FBXW8: variants seen among roughly 807,000 people sequenced by gnomAD.
FBXW8 encodes F-box/WD repeat-containing protein 8.
A neutral mutation model predicts 65.3 loss-of-function variants in FBXW8; 57 were observed. That is an observed-to-expected ratio of 0.87 (90% CI 0.71 to 1.09). The LOEUF is 1.09. FBXW8 is among the 50% of genes least tolerant of loss of function. The probability of loss-of-function intolerance (pLI) is 0.00; values close to 1 mark genes in which losing one functional copy is unlikely to be tolerated. For missense variants in FBXW8, 777 were observed against 814.8 expected (o/e 0.95, Z 0.57); for synonymous variants, 308 against 330.2 (o/e 0.93, Z 0.73).
At chr12:117,007,090 T>C (rs545335385) in intron 7 of FBXW8, among the ~76,000 whole-genome samples, 1 of 152,364 alleles carries the variant, frequency 6.6e-6, no homozygotes, top group Non-Finnish European at 1.5e-5. Flanking sequence ...TACAGAGGGC[T>C]ACCACTTCCT....
chr12:117,017,745 A>G (rs1234300820), intron 8 of FBXW8, among the ~76,000 whole-genome samples: 1 of 152,202 alleles, frequency 6.6e-6, no homozygotes, highest in Non-Finnish European at 1.5e-5. Flanking sequence ...ATATTAGCAG[A>G]AGGTCAGGTC....
At chr12:116,989,924 G>A (rs1162420672) in intron 7 of FBXW8, among the ~76,000 whole-genome samples, 3 of 152,232 alleles carry the variant, frequency 2.0e-5, no homozygotes, top group African/African-American at 7.2e-5. Flanking sequence ...CATATGTAAA[G>A]CTTGAGGCAT....
At chr12:116,924,954 ATCC>A (rs1188680480) in intron 1 of FBXW8, among the ~76,000 whole-genome samples, 2 of 152,154 alleles carry the variant, frequency 1.3e-5, no homozygotes, top group Non-Finnish European at 2.9e-5. Context: ...GCATTCTAGT[ATCC>A]TCCTCAAGTA....
rs71099022 is a variant in FBXW8 at position 116,942,770 on chromosome 12, ATTTTTTTTTTTTTTTT to A, written c.424-2584_424-2569del. Among the ~76,000 whole-genome samples, 54 of 64,370 alleles carry A rather than the reference ATTTTTTTTTTTTTTTT, an allele frequency of 8.4e-4. 2 individuals are homozygous for A. Among genetic ancestry groups the A allele is most frequent in the Middle Eastern group, 0.017 (1 of 60 alleles). The allele number at this position is 64,370 out of a possible 152,430, so 42.2% of individuals were successfully genotyped here. ...TGTACTTTTTAACTCCAGAGCTTCT[ATTTTTTTTTTTTTTTT>A]TTTTTTTTTGAGACGGGGTCTCACT... On this transcript the variant is annotated intron_variant, in intron 2 of 10. Coordinates refer to ENST00000652555, the MANE Select transcript of FBXW8 (RefSeq NM_153348.3).
At chr12:116,956,411 A>G (rs1883652853) in intron 4 of FBXW8, among the ~76,000 whole-genome samples, 2 of 152,184 alleles carry the variant, frequency 1.3e-5, no homozygotes, top group Admixed American at 1.3e-4. Flanking sequence ...ATACCTCTCT[A>G]GCAACCAAGT....
intron 3 of FBXW8, among the ~76,000 whole-genome samples, chr12:116,947,750 A>AAAAAAAAAG (rs1555218999): frequency 3.6e-5 from 5 of 137,658 alleles, no homozygotes; most frequent in Non-Finnish European, 4.6e-5. Context: ...AAAAAAAAAA[A>AAAAAAAAAG]AAAAGAAAAG....
At chr12:116,965,925 A>ATT (rs10630126) in intron 5 of FBXW8, among the ~76,000 whole-genome samples, 93,947 of 137,236 alleles carry the variant, frequency 0.68, 35,573 homozygotes, top group Non-Finnish European at 0.83. Flanking sequence ...TGCCCAGCTA[A>ATT]TTTTTTTTTT....
Position 116,911,050 on chromosome 12 carries a change from A to T in FBXW8, c.13A>T (p.Ser5Cys). The T allele has an allele frequency of 5.5e-6, 8 of 1,449,056 alleles. No individual in the cohort carries two copies. Among genetic ancestry groups the T allele is most frequent in the Non-Finnish European group, 7.2e-6 (8 of 1,109,032 alleles). 89.8% of individuals were successfully genotyped at this position (1,449,056 alleles called of 1,614,324 possible). Residue 5 changes from serine (S) to cysteine (C), a missense_variant, in exon 1 of 11, where the codon AGC (serine) becomes TGC (cysteine). By Grantham distance (112) the Ser-to-Cys change is moderately radical. Transcript: ENST00000652555. The stretch of plus-strand genomic sequence containing the variant: ...GGGAGCGGCGAATATGGACGACTAC[A>T]GCCTGGATGAGTTCCGTCGGCGCTG... MDDY[S>C]LDEFRRRWQE...
At chr12:116,979,945 C>A (rs1277501708) in intron 5 of FBXW8, among the ~76,000 whole-genome samples, 1 of 152,104 alleles carries the variant, frequency 6.6e-6, no homozygotes, top group African/African-American at 2.4e-5. Flanking sequence ...GCCCTGAGGT[C>A]CCTCCCCAGG....
intron 5 of FBXW8, among the ~76,000 whole-genome samples, chr12:116,967,332 A>T (rs1884390153): frequency 6.6e-6 from 1 of 152,076 alleles, no homozygotes; most frequent in South Asian, 2.1e-4. Context: ...CATTTTTGTT[A>T]TTGAAAACAG....
At chr12:117,016,058 C>T (rs989174667) in intron 8 of FBXW8, among the ~76,000 whole-genome samples, 1 of 152,204 alleles carries the variant, frequency 6.6e-6, no homozygotes, top group Non-Finnish European at 1.5e-5. Flanking sequence ...AGATATACTA[C>T]ATTTTCTTTA....
chr12:116,934,821 T>C (rs1042762400), intron 2 of FBXW8, among the ~76,000 whole-genome samples: 69 of 152,296 alleles, frequency 4.5e-4, no homozygotes, highest in Middle Eastern at 3.4e-3. Context: ...TTTGTGAATC[T>C]ATGGAACTTT....
chr12:116,940,299 A>G (rs1426892100), intron 2 of FBXW8, among the ~76,000 whole-genome samples: 9 of 149,086 alleles, frequency 6.0e-5, no homozygotes, highest in Non-Finnish European at 1.3e-4. Context: ...CCCACAGACC[A>G]TATTTTGCAG....
chr12:117,027,512 G>A lies in FBXW8; in HGVS notation c.1652+8G>A. On this transcript the variant is annotated splice_region_variant and intron_variant, in intron 10 of 10. Coordinates refer to ENST00000652555, the MANE Select transcript of FBXW8 (RefSeq NM_153348.3). ...CTTCACTACTCACAGGAGGTTAGTG[G>A]TGGGGCCGGGCGAGTAAGAGACCAT... 6.2e-7 allele frequency: 1 copy of A among 1,610,044 alleles called. No individual in the cohort carries two copies. The highest frequency in any genetic ancestry group is 8.5e-7 in the Non-Finnish European group (1 of 1,176,330).
intron 5 of FBXW8, among the ~76,000 whole-genome samples, chr12:116,971,880 G>T (rs1157180018): frequency 6.6e-6 from 1 of 152,142 alleles, no homozygotes; most frequent in African/African-American, 2.4e-5. Context: ...TTCACACCAA[G>T]TGGCGTCCAC....
rs1480175762 is a variant in FBXW8, at chr12:116,961,651, G to A, written c.678-3046G>A. On this transcript the variant is annotated intron_variant, in intron 4 of 10. Transcript: ENST00000652555. This position sits in a 1 kb window ranked among gnomAD's most constrained non-coding sequence, Gnocchi z 4.4. ...TTCCAGTCATTGCATGCACAGCTAT[G>A]AACAAAACCCAGACCCTGAGCTCAG... Among the ~76,000 whole-genome samples the A allele has an allele frequency of 6.6e-6, 1 of 152,190 alleles. No individual in the cohort carries two copies. Among genetic ancestry groups the A allele is most frequent in the Non-Finnish European group, 1.5e-5 (1 of 68,044 alleles).
At chr12:116,999,981 A>AT (rs71099027) in intron 7 of FBXW8, among the ~76,000 whole-genome samples, 74,157 of 128,762 alleles carry the variant, frequency 0.58, 24,292 homozygotes, top group East Asian at 0.78. Flanking sequence ...TCTGCATCTC[A>AT]TTTTTTTTTT....
intron 5 of FBXW8, among the ~76,000 whole-genome samples, chr12:116,970,383 C>T (rs1357554390): frequency 6.6e-6 from 1 of 152,184 alleles, no homozygotes; most frequent in Non-Finnish European, 1.5e-5. Flanking sequence ...TCCACCTCCG[C>T]AACACTCCCA....
chr12:116,948,946 G>A (rs1397310324), intron 3 of FBXW8: 1 of 152,114 alleles, frequency 6.6e-6, no homozygotes, highest in Non-Finnish European at 1.5e-5. Context: ...GCAGAGATGG[G>A]GTCTCCCTGT....
Sources: allele counts gnomAD v4.1 joint callset (sites outside exome capture counted in the v4.1 genomes callset), GRCh38; gene constraint gnomAD v4.1.1; non-coding constraint Gnocchi (gnomAD v3.1); transcripts MANE v1.5; gene names NCBI Gene and HGNC (gene_info 2026-07-23, HGNC 2026-07-21).